Variants in TOX2 observed in about 807,000 individuals in gnomAD.
TOX2 encodes the protein TOX high mobility group box family member 2.
A neutral mutation model predicts 47.4 loss-of-function variants in TOX2; 15 were observed. The ratio of observed to expected loss-of-function variants is 0.32; its 90% CI spans 0.21 to 0.49. The LOEUF is 0.49. TOX2 is among the 20% of genes least tolerant of loss of function. TOX2 has a pLI of 0.99. For missense variants in TOX2, 622 were observed against 673.1 expected, an observed-to-expected ratio of 0.92 and a Z score of 0.84; for synonymous variants, 290 against 296.6, an observed-to-expected ratio of 0.98 and a Z score of 0.23.
chr20:43,973,372 T>C lies in TOX2; in HGVS notation c.105T>C (p.Asp35=), dbSNP rs1028201671. 4.3e-6 allele frequency: 7 copies of C among 1,614,024 alleles called. No individual in the cohort carries two copies. The highest frequency in any genetic ancestry group is 1.7e-5 in the Admixed American group (1 of 60,000). ...TCCCTCTCTCTCTATTCTAGTTTGA[T>C]GGTGACAGTGCCTACGTGGGGATGA... ...HLDYYHGGKF[D]GDSAYVGMSD... Residue 35 remains aspartate, a synonymous_variant, in exon 2 of 9, where the codon GAT becomes GAC. Coordinates refer to ENST00000341197, the MANE Select transcript of TOX2 (RefSeq NM_001098797.2).
rs1488461405 is a variant in TOX2 at position 43,915,702 on chromosome 20, G to A, written c.99+712G>A. Among the ~76,000 whole-genome samples the A allele has an allele frequency of 6.6e-6, 1 of 152,230 alleles. No homozygotes were observed. The stretch of plus-strand genomic sequence containing the variant: ...AGCGCCGCAGCACACTAATTGGGCA[G>A]TTTACTAATTGGCCGTCACTGCCTG... On this transcript the variant is annotated intron_variant, in intron 1 of 8. Coordinates refer to ENST00000341197, the MANE Select transcript of TOX2 (RefSeq NM_001098797.2). The surrounding 1 kb of genome is among the most constrained non-coding windows in gnomAD (Gnocchi z 7.1).
At chr20:44,031,406 G>A (rs1022802239) in intron 3 of TOX2, among the ~76,000 whole-genome samples, 3 of 152,204 alleles carry the variant, frequency 2.0e-5, no homozygotes, top group Non-Finnish European at 4.4e-5. Context: ...TCAAGTGGGT[G>A]AGCGCATTAG....
In TOX2 at chr20:44,051,458, C is replaced by G; in HGVS notation, c.564C>G (p.His188Gln). ...SQMGIRSSIA[H>Q]SSPSPPGSKS... ...TGGGCATCCGGAGCAGCATCGCCCA[C>G]AGCTCCCCATCACCGCCGGGGAGCA... is the stretch of plus-strand genomic sequence containing the variant. Residue 188 changes from histidine to glutamine, a missense_variant, in exon 4 of 9, where the codon CAC (histidine) becomes CAG (glutamine). This residue lies in a region of TOX2 where 307 missense variants were observed against 327.3 expected (regional missense o/e 0.94). Transcript: ENST00000341197. The G allele has an allele frequency of 1.2e-6, 2 of 1,613,910 alleles. No homozygotes were observed. The highest frequency in any genetic ancestry group is 1.7e-6 in the Non-Finnish European group (2 of 1,179,844).
At chr20:43,940,662 G>A (rs1169798158) in intron 1 of TOX2, among the ~76,000 whole-genome samples, 1 of 152,104 alleles carries the variant, frequency 6.6e-6, no homozygotes, top group African/African-American at 2.4e-5. Flanking sequence ...GGAGGGAGAA[G>A]AGGTGACTGC....
chr20:44,026,429 A>G (rs1395600383), intron 3 of TOX2, among the ~76,000 whole-genome samples: 6 of 151,424 alleles, frequency 4.0e-5, no homozygotes, highest in Non-Finnish European at 7.4e-5. Context: ...ATGCAAAGAC[A>G]TAAGAATGAC....
Position 44,066,123 on chromosome 20 carries a change from C to G in TOX2, c.1356+16C>G. ...AGGGCCACAGGTAAGCAGGGAAGAG[C>G]AGAACAGCCCTTCTGTGACCGTGTG... is the stretch of plus-strand genomic sequence containing the variant. On this transcript the variant is annotated intron_variant, in intron 7 of 8. Coordinates refer to ENST00000341197, the MANE Select transcript of TOX2 (RefSeq NM_001098797.2). 6.6e-7 allele frequency: 1 copy of G among 1,516,068 alleles called. No individual in the cohort carries two copies. Among genetic ancestry groups the G allele is most frequent in the Non-Finnish European group, 8.8e-7 (1 of 1,136,004 alleles). The allele number at this position is 1,516,068 out of a possible 1,614,324, so 93.9% of individuals were successfully genotyped here. A position where few individuals can be genotyped will look rare whatever the true frequency, so the allele number is the denominator to read the frequency against.
intron 2 of TOX2, among the ~76,000 whole-genome samples, chr20:43,978,016 T>A (rs2070111290): frequency 6.6e-6 from 1 of 152,146 alleles, no homozygotes; most frequent in African/African-American, 2.4e-5. Flanking sequence ...GATAGCAGCT[T>A]CCTATCAAAT....
At chr20:44,064,189 T>C (rs2071769763) in intron 5 of TOX2, among the ~76,000 whole-genome samples, 2 of 152,220 alleles carry the variant, frequency 1.3e-5, no homozygotes, top group South Asian at 4.1e-4. Flanking sequence ...TGTCAGTCTC[T>C]GCATGCATCA....
intron 2 of TOX2, 36 bp from the exon 3 acceptor site, chr20:44,006,511 A>G (rs369194430): frequency 5.7e-6 from 9 of 1,579,560 alleles, no homozygotes; most frequent in Non-Finnish European, 6.9e-6. Context: ...GTTGTAAGGC[A>G]CTGACCCCCA....
At chr20:44,055,849 C>A (rs1219135805) in intron 5 of TOX2, among the ~76,000 whole-genome samples, 1 of 152,128 alleles carries the variant, frequency 6.6e-6, no homozygotes, top group African/African-American at 2.4e-5. Context: ...AAGTAGCAGG[C>A]TTGGGGCAGA....
At chr20:43,939,732 G>A (rs768291556) in intron 1 of TOX2, among the ~76,000 whole-genome samples, 1 of 152,176 alleles carries the variant, frequency 6.6e-6, no homozygotes, top group Non-Finnish European at 1.5e-5. Flanking sequence ...CTCTGAGCCT[G>A]TTGGCACACC....
At chr20:43,972,959 T>C (rs993791849) in intron 1 of TOX2, among the ~76,000 whole-genome samples, 3 of 152,234 alleles carry the variant, frequency 2.0e-5, no homozygotes, top group African/African-American at 7.2e-5. Flanking sequence ...TCTGGTGTTC[T>C]TGGCCTCCCC....
chr20:43,947,639 C>T (rs1056892436), intron 1 of TOX2, among the ~76,000 whole-genome samples: 1 of 152,152 alleles, frequency 6.6e-6, no homozygotes, highest in African/African-American at 2.4e-5. Context: ...TGTTTCTGGT[C>T]ACTTCCATGG....
chr20:43,925,826 T>C (rs1191098513), intron 1 of TOX2, among the ~76,000 whole-genome samples: 2 of 152,224 alleles, frequency 1.3e-5, no homozygotes, highest in Non-Finnish European at 2.9e-5. Context: ...GTCCCCATTT[T>C]TTTAGGTGAG....
rs1327872153 is a variant in TOX2 at position 43,918,035 on chromosome 20, C to G, written c.99+3045C>G. Among the ~76,000 whole-genome samples the G allele has an allele frequency of 8.2e-5, 11 of 134,756 alleles. No homozygotes were observed. The East Asian group carries it at 2.1e-3, about 25-fold the overall frequency. 88.4% of individuals were successfully genotyped at this position (134,756 alleles called of 152,430 possible). Reference sequence around the variant, plus strand: ...AGCAAGTAAGGAACAAAGATGAGGCCTGAGCCCAGGTTTGACTCCCAGCAG... The same window carrying G: ...AGCAAGTAAGGAACAAAGATGAGGCGTGAGCCCAGGTTTGACTCCCAGCAG... On this transcript the variant is annotated intron_variant, in intron 1 of 8. Coordinates refer to ENST00000341197, the MANE Select transcript of TOX2 (RefSeq NM_001098797.2).
At chr20:43,995,987 G>A (rs2070471025) in intron 2 of TOX2, among the ~76,000 whole-genome samples, 3 of 152,076 alleles carry the variant, frequency 2.0e-5, no homozygotes, top group Non-Finnish European at 4.4e-5. Context: ...GTGTACACAT[G>A]TCTTTATGGA....
intron 1 of TOX2, among the ~76,000 whole-genome samples, chr20:43,941,687 T>G (rs2069404883): frequency 6.6e-6 from 1 of 152,164 alleles, no homozygotes; most frequent in Non-Finnish European, 1.5e-5. Context: ...CTTTGGTGTT[T>G]TCTATTGACT....
At chr20:44,038,884 C>A (rs560156979) in intron 3 of TOX2, 2 of 1,092,320 alleles carry the variant, frequency 1.8e-6, no homozygotes, top group Admixed American at 3.7e-5. Context: ...GTTCCTGCAG[C>A]CCTGCGAAGC....
intron 8 of TOX2, 36 bp from the exon 9 acceptor site, chr20:44,068,614 C>T (rs762050307): frequency 6.3e-7 from 1 of 1,599,210 alleles, no homozygotes; most frequent in South Asian, 1.1e-5. Flanking sequence ...CGGAGAGGTA[C>T]CCAACAGCTT....
Sources: allele counts gnomAD v4.1 joint callset (sites outside exome capture counted in the v4.1 genomes callset), GRCh38; gene constraint gnomAD v4.1.1; regional missense constraint gnomAD v4.1.1; non-coding constraint Gnocchi (gnomAD v3.1); transcripts MANE v1.5; gene names NCBI Gene and HGNC (gene_info 2026-07-23, HGNC 2026-07-21).